The following TPCN1 variants were observed in gnomAD, a reference collection of about 807,000 sequenced individuals.
TPCN1 encodes the protein two pore segment channel 1, also known as two pore channel protein 1.
A neutral mutation model predicts 108.8 loss-of-function variants in TPCN1; 52 were observed. That is an observed-to-expected ratio of 0.48 (90% confidence interval 0.38 to 0.60). The LOEUF (loss-of-function observed/expected upper bound fraction) is 0.60, where lower values mean the gene tolerates loss of function less well. TPCN1 is among the 20% of genes least tolerant of loss of function. The pLI is 0.00. For missense variants in TPCN1, 806 were observed against 1,072.8 expected, an observed-to-expected ratio of 0.75 and a Z score of 3.47; for synonymous variants, 446 against 433.7, an observed-to-expected ratio of 1.03 and a Z score of -0.35.
intron 1 of TPCN1, among the ~76,000 whole-genome samples, chr12:113,224,234 C>T (rs987186274): frequency 3.3e-5 from 5 of 152,124 alleles, no homozygotes; most frequent in Non-Finnish European, 4.4e-5. Flanking sequence ...GGGCAGGATA[C>T]GTAATCTGTC....
At chr12:113,286,191 G>T (rs574791665) in intron 18 of TPCN1, among the ~76,000 whole-genome samples, 1 of 152,136 alleles carries the variant, frequency 6.6e-6, no homozygotes, top group Non-Finnish European at 1.5e-5. Context: ...TTCTGGAAAC[G>T]GCCTCTTGAG....
chr12:113,286,389 T>C (rs1956074117), intron 18 of TPCN1, among the ~76,000 whole-genome samples: 1 of 128,852 alleles, frequency 7.8e-6, no homozygotes. Flanking sequence ...TTAACCGGCC[T>C]GTGAAGTCAG....
At chr12:113,255,057 G>A (rs577968549) in intron 2 of TPCN1, among the ~76,000 whole-genome samples, 11 of 152,288 alleles carry the variant, frequency 7.2e-5, no homozygotes, top group African/African-American at 2.4e-4. Flanking sequence ...GTGCCATAAG[G>A]CAAGAAAAAC....
intron 1 of TPCN1, among the ~76,000 whole-genome samples, chr12:113,223,824 A>C (rs3890145): frequency 0.01 from 1,526 of 152,324 alleles, 30 homozygotes; most frequent in African/African-American, 0.035. Context: ...GATTACAGGC[A>C]TGAGCCACCA....
Position 113,260,395 on chromosome 12 carries a change from C to T in TPCN1, c.140C>T (p.Ser47Phe). ...GGCGGCAGCTATGCCATCCACGACTCCCAGGCCCCCAGTCTCAGCTCTGGG... is the reference window on the plus strand; with the variant it reads ...GGCGGCAGCTATGCCATCCACGACTTCCAGGCCCCCAGTCTCAGCTCTGGG... ...KNGGSYAIHD[S>F]QAPSLSSGGE... The change falls in exon 3 of 28, where the codon TCC (serine) becomes TTC (phenylalanine). Residue 47 changes from serine (S) to phenylalanine (F), a missense_variant. Physicochemically the swap from Ser to Phe is radical, Grantham distance 155 (BLOSUM62 -2). Transcript: ENST00000335509. The T allele has an allele frequency of 2.0e-6, 3 of 1,513,518 alleles. No homozygotes were observed. Among genetic ancestry groups the T allele is most frequent in the South Asian group, 1.3e-5 (1 of 77,232 alleles). The allele number at this position is 1,513,518 out of a possible 1,614,324, so 93.8% of individuals were successfully genotyped here. A position where few individuals can be genotyped will look rare whatever the true frequency, so the allele number is the denominator to read the frequency against.
chr12:113,295,139 T>C (rs1956384329), intron 27 of TPCN1, among the ~76,000 whole-genome samples: 1 of 152,172 alleles, frequency 6.6e-6, no homozygotes, highest in African/African-American at 2.4e-5. Context: ...CAGCACCCAT[T>C]CAGGTGTGGT....
Position 113,284,600 on chromosome 12 carries a change from C to T in TPCN1, c.1362C>T (p.Asn454=), listed in dbSNP as rs756922383. ...TTTCAGACTTGGTGGTGGCAGTCAACGGGGTCTGGATCCTCGTGGAGACAT... is the reference window on the plus strand; with the variant it reads ...TTTCAGACTTGGTGGTGGCAGTCAATGGGGTCTGGATCCTCGTGGAGACAT... ...QYFMYLVVAV[N]GVWILVETFM... Residue 454 remains asparagine, a synonymous_variant, in exon 16 of 28, where the codon AAC becomes AAT. Coordinates refer to ENST00000335509, the MANE Select transcript of TPCN1 (RefSeq NM_017901.6). This position sits in a 1 kb window ranked among gnomAD's most constrained non-coding sequence, Gnocchi z 4.1. 2.8e-5 allele frequency: 45 copies of T among 1,614,072 alleles called. No homozygotes were observed. Among genetic ancestry groups the T allele is most frequent in the South Asian group, 4.4e-5 (4 of 91,084 alleles).
intron 18 of TPCN1, among the ~76,000 whole-genome samples, chr12:113,286,445 C>T (rs567627820): frequency 5.9e-5 from 9 of 152,186 alleles, no homozygotes; most frequent in African/African-American, 1.9e-4. Flanking sequence ...CGGGTTAACA[C>T]GCAGAGCGGA....
chr12:113,281,320 G>A (rs1447555981), intron 15 of TPCN1, among the ~76,000 whole-genome samples: 1 of 152,106 alleles, frequency 6.6e-6, no homozygotes, highest in African/African-American at 2.4e-5. Flanking sequence ...GATTACAGGC[G>A]TGAGCCACGT....
At chr12:113,287,316 G>T in intron 19 of TPCN1, 1 of 558,844 alleles carries the variant, frequency 1.8e-6, no homozygotes, top group Non-Finnish European at 3.2e-6. Context: ...TCTGGGCAGA[G>T]AAACCCAGCC....
intron 14 of TPCN1, among the ~76,000 whole-genome samples, chr12:113,279,387 ATATATTTTT>A (rs1352138249): frequency 5.6e-3 from 110 of 19,570 alleles, no homozygotes; most frequent in Non-Finnish European, 6.2e-3. Context: ...ATATATATAT[ATATATTTTT>A]TTTTTTTTTT....
At chr12:113,261,408 T>C (rs1226273778) in intron 3 of TPCN1, among the ~76,000 whole-genome samples, 1 of 139,240 alleles carries the variant, frequency 7.2e-6, no homozygotes, top group African/African-American at 2.7e-5. Context: ...TTTCATAGCA[T>C]AAGCTTTTTT....
Position 113,276,952 on chromosome 12 carries a change from A to T in TPCN1, c.976A>T (p.Ile326Phe), listed in dbSNP as rs770959019. The T allele has an allele frequency of 6.2e-7, 1 of 1,613,996 alleles. No homozygotes were observed. Residue 326 changes from isoleucine (I) to phenylalanine (F), a missense_variant, in exon 11 of 28, where the codon ATT (isoleucine) becomes TTT (phenylalanine). Transcript: ENST00000335509. ...LAVVFDTFND[I>F]EKRKFKSLLL... ...TGTGGTGTTCGACACCTTCAATGAC[A>T]TTGAGAAACGCAAGTTCAAGTCTTT...
intron 2 of TPCN1, chr12:113,249,936 C>T (rs1202067999): frequency 2.0e-5 from 3 of 152,264 alleles, no homozygotes; most frequent in African/African-American, 4.8e-5. Flanking sequence ...TGTCCCATCA[C>T]CCTTCTTCTG....
chr12:113,242,952 CGAGGGCCATGGT>C (rs1432148446), intron 2 of TPCN1, among the ~76,000 whole-genome samples: 1 of 152,230 alleles, frequency 6.6e-6, no homozygotes, highest in Non-Finnish European at 1.5e-5. Flanking sequence ...TCCATGAGGG[CGAGGGCCATGGT>C]TTCACCTTTT....
intron 1 of TPCN1, among the ~76,000 whole-genome samples, chr12:113,224,717 T>C (rs1422390099): frequency 6.6e-6 from 1 of 151,586 alleles, no homozygotes; most frequent in Non-Finnish European, 1.5e-5. Flanking sequence ...ATTATTTTAA[T>C]GGTTGTATTT....
chr12:113,225,846 G>A (rs1202856654), intron 1 of TPCN1, among the ~76,000 whole-genome samples: 1 of 151,962 alleles, frequency 6.6e-6, no homozygotes, highest in Non-Finnish European at 1.5e-5. Flanking sequence ...CAGCCACTGT[G>A]CCCGGCCTAA....
chr12:113,271,380 T>G (rs1031660093), intron 7 of TPCN1, among the ~76,000 whole-genome samples: 1 of 152,182 alleles, frequency 6.6e-6, no homozygotes, highest in African/African-American at 2.4e-5. Context: ...TGACCTTTAG[T>G]GATTGTGATT....
At chr12:113,260,547 G>A in intron 3 of TPCN1, 55 bp downstream of exon 3, 1 of 1,539,236 alleles carries the variant, frequency 6.5e-7, no homozygotes, top group Non-Finnish European at 8.7e-7. Flanking sequence ...GTGGGGTGGG[G>A]CAGCCAAGAC....
Sources: gnomAD v4.1 joint callset for allele counts (sites outside exome capture counted in the v4.1 genomes callset) on GRCh38, gnomAD v4.1.1 for gene constraint, Gnocchi (gnomAD v3.1) non-coding constraint, MANE v1.5 for transcripts, NCBI Gene and HGNC (gene_info 2026-07-23, HGNC 2026-07-21) for gene names.